SVOPL: variants seen among roughly 807,000 people sequenced by gnomAD.
SVOPL encodes the protein putative transporter SVOPL.
In SVOPL, 60 loss-of-function variants were observed where a neutral mutation model predicts 61.0. The ratio of observed to expected loss-of-function variants is 0.98; its 90% CI spans 0.80 to 1.22. The LOEUF (loss-of-function observed/expected upper bound fraction) is 1.22. Ranked by LOEUF, SVOPL falls within the 50% of genes most tolerant of loss-of-function variation. The pLI, the probability that SVOPL is intolerant of heterozygous loss-of-function variation, is 0.00. For missense variants in SVOPL, 662 were observed against 643.9 expected (o/e 1.03, Z -0.30); for synonymous variants, 279 against 250.0 (o/e 1.12, Z -1.09).
chr7:138,654,142 A>G (rs527325573), intron 7 of SVOPL, among the ~76,000 whole-genome samples: 2 of 151,950 alleles, frequency 1.3e-5, no homozygotes, highest in East Asian at 3.9e-4. Flanking sequence ...AAAAAAAAAA[A>G]AAAAAGAATC....
At chr7:138,621,780 T>TTCTATCTATCTATCTA (rs1212023976) in intron 13 of SVOPL, among the ~76,000 whole-genome samples, 6 of 90,856 alleles carry the variant, frequency 6.6e-5, no homozygotes, top group Non-Finnish European at 1.5e-4. Context: ...TAACAGCATA[T>TTCTATCTATCTATCTA]TCTATCTATC....
intron 1 of SVOPL, among the ~76,000 whole-genome samples, chr7:138,699,842 T>C (rs1803151356): frequency 1.3e-5 from 2 of 152,206 alleles, no homozygotes; most frequent in African/African-American, 4.8e-5. Context: ...AACACTGGTC[T>C]TCCCAATGCA....
rs138719010 is a variant in SVOPL, at chr7:138,675,034, T to C, written c.175-2917A>G. Among the ~76,000 whole-genome samples the C allele has an allele frequency of 1.1e-3, 174 of 152,126 alleles. 3 individuals are homozygous for C. The highest frequency in any genetic ancestry group is 6.8e-3 in the Middle Eastern group (2 of 294). ...AGACCTCACTGTACAGATAAGGAAA[T>C]CTTCTCAATTGTACCATTGGTTATC... is the stretch of plus-strand genomic sequence containing the variant. On this transcript the variant is annotated intron_variant, in intron 3 of 15. Transcript: ENST00000674285.
intron 9 of SVOPL, among the ~76,000 whole-genome samples, chr7:138,638,598 A>T (rs1800619247): frequency 6.6e-6 from 1 of 151,980 alleles, no homozygotes; most frequent in African/African-American, 2.4e-5. Flanking sequence ...CATCACAAAA[A>T]ACAGCTAAAA....
chr7:138,594,555 A>C lies in SVOPL; in HGVS notation c.*55T>G. On this transcript the variant is annotated 3_prime_UTR_variant, in exon 16 of 16. Transcript: ENST00000674285. ...ACCAAGTTTTAAAAAAATGCACCGC[A>C]GTTCTGAAGATAGAATTCATTTTTC... 6.5e-7 allele frequency: 1 copy of C among 1,547,994 alleles called. No individual in the cohort carries two copies. Among genetic ancestry groups the C allele is most frequent in the Non-Finnish European group, 8.7e-7 (1 of 1,142,860 alleles).
Position 138,661,801 on chromosome 7 carries a change from G to T in SVOPL, c.345+1273C>A, listed in dbSNP as rs28464038. On this transcript the variant is annotated intron_variant, in intron 5 of 15. Coordinates refer to ENST00000674285, the MANE Select transcript of SVOPL (RefSeq NM_001139456.2). ...TCGGAGCATATATTCAGGGCAACTG[G>T]ACTGTATGACTTCCGAGCTGCAATC... is the stretch of plus-strand genomic sequence containing the variant. 4.7e-3 allele frequency: 4,467 copies of T among 952,600 alleles called. 140 individuals are homozygous for T. The African/African-American group carries it at 0.072, about 15-fold the overall frequency. The allele number at this position is 952,600 out of a possible 1,614,324, so 59.0% of individuals were successfully genotyped here.
chr7:138,601,233 C>T (rs1204779407), intron 14 of SVOPL, among the ~76,000 whole-genome samples: 4 of 125,374 alleles, frequency 3.2e-5, no homozygotes, highest in African/African-American at 9.5e-5. Context: ...GCCTGGGCGA[C>T]AGAGCGAGAT....
At chr7:138,692,616 G>A (rs2117142916) in intron 1 of SVOPL, among the ~76,000 whole-genome samples, 1 of 152,156 alleles carries the variant, frequency 6.6e-6, no homozygotes, top group East Asian at 1.9e-4. Context: ...ATTAAAATGT[G>A]GCATAGTTTT....
intron 1 of SVOPL, 125 bp downstream of exon 1, chr7:138,701,053 A>G (rs1419808552): frequency 2.0e-5 from 3 of 152,198 alleles, no homozygotes; most frequent in East Asian, 1.9e-4. Context: ...TTGTTTTGCA[A>G]TATCCAAGGA....
chr7:138,634,483 GAAA>G (rs111254302), intron 9 of SVOPL, among the ~76,000 whole-genome samples: 1 of 136,724 alleles, frequency 7.3e-6, no homozygotes, highest in Admixed American at 7.4e-5. Flanking sequence ...TACAAAATAA[GAAA>G]AAAAAAAAAA....
Position 138,673,911 on chromosome 7 carries a change from G to A in SVOPL, c.175-1794C>T, listed in dbSNP as rs1381161069. ...TAAAGACAACCAGGACTGACCAGGC[G>A]AGGTGGCTTACGCCTGTAATCCCAG... On this transcript the variant is annotated intron_variant, in intron 3 of 15. Transcript: ENST00000674285. Among the ~76,000 whole-genome samples, 13 of 151,980 alleles carry A rather than the reference G, an allele frequency of 8.6e-5. No homozygotes were observed. In the East Asian group the frequency reaches 1.2e-3, roughly 14 times the overall value.
At chr7:138,691,005 C>T (rs191324123) in intron 1 of SVOPL, among the ~76,000 whole-genome samples, 108 of 152,282 alleles carry the variant, frequency 7.1e-4, no homozygotes, top group Middle Eastern at 3.4e-3. Context: ...AAACTCCTAA[C>T]CTCAAAAGAT....
chr7:138,676,730 AAAT>A (rs1358490676), intron 3 of SVOPL, among the ~76,000 whole-genome samples: 3 of 152,018 alleles, frequency 2.0e-5, no homozygotes, highest in African/African-American at 4.8e-5. Context: ...AATTTACATA[AAAT>A]AATACCATAG....
At chr7:138,597,399 C>A (rs565944572) in intron 14 of SVOPL, 7 of 315,760 alleles carry the variant, frequency 2.2e-5, no homozygotes, top group African/African-American at 1.5e-4. Context: ...TGACACACAG[C>A]CTAGTGTTAC....
chr7:138,672,895 T>C (rs2117111555), intron 3 of SVOPL, among the ~76,000 whole-genome samples: 1 of 132,368 alleles, frequency 7.6e-6, no homozygotes, highest in East Asian at 2.2e-4. Context: ...TAGGGATAAG[T>C]TTGTCTCTCA....
chr7:138,667,392 ATC>A (rs1055758919), intron 4 of SVOPL, among the ~76,000 whole-genome samples: 1 of 152,154 alleles, frequency 6.6e-6, no homozygotes, highest in African/African-American at 2.4e-5. Context: ...TACAACTAAC[ATC>A]TGTTAGATTT....
At chr7:138,639,089 C>G (rs911164359) in intron 9 of SVOPL, among the ~76,000 whole-genome samples, 1 of 149,782 alleles carries the variant, frequency 6.7e-6, no homozygotes, top group African/African-American at 2.5e-5. Flanking sequence ...CCCACCTCTA[C>G]TAAAAAAATA....
chr7:138,597,273 A>G, intron 14 of SVOPL: 1 of 1,259,558 alleles, frequency 7.9e-7, no homozygotes, highest in South Asian at 1.3e-5. Context: ...ATAATGTATT[A>G]TAATTTAGAA....
chr7:138,695,852 C>T lies in SVOPL; in HGVS notation c.-35+5326G>A, dbSNP rs188573974. Among the ~76,000 whole-genome samples, 305 of 151,740 alleles carry T rather than the reference C, an allele frequency of 2.0e-3. 3 individuals carry two copies. Among genetic ancestry groups the T allele is most frequent in the African/African-American group, 6.9e-3 (286 of 41,372 alleles). ...AGGCTGGAGTACAGTGGCGTGATCT[C>T]GGCTCACTGAGCCTCTGCCTCCTGG... On this transcript the variant is annotated intron_variant, in intron 1 of 15. Transcript: ENST00000674285.
Sources: allele counts gnomAD v4.1 joint callset (sites outside exome capture counted in the v4.1 genomes callset), GRCh38; gene constraint gnomAD v4.1.1; transcripts MANE v1.5; gene names NCBI Gene and HGNC (gene_info 2026-07-23, HGNC 2026-07-21).